The following RAPGEF2 variants were observed in gnomAD, a reference collection of about 807,000 sequenced individuals.
The protein encoded by RAPGEF2 is Rap guanine nucleotide exchange factor 2.
Under a neutral mutation model 186.7 loss-of-function variants are expected in RAPGEF2, and 54 were observed. The observed-to-expected ratio is 0.29, with a 90% CI of 0.23 to 0.36. The LOEUF is 0.36. Ranked by LOEUF, RAPGEF2 falls within the 10% of genes least tolerant of loss-of-function variation. The probability of loss-of-function intolerance (pLI) is 1.00; values close to 1 mark genes in which losing one functional copy is unlikely to be tolerated. For missense variants in RAPGEF2, 1,532 were observed against 2,045.0 expected (o/e 0.75, Z 4.84); for synonymous variants, 712 against 705.9 (o/e 1.01, Z -0.14).
At chr4:159,332,135 C>A (rs1051916480) in intron 16 of RAPGEF2, 101 bp downstream of exon 16, 8 of 789,484 alleles carry the variant, frequency 1.0e-5, no homozygotes, top group Non-Finnish European at 1.6e-5. Flanking sequence ...TAGATTAGAT[C>A]TAAATAAAAA....
intron 1 of RAPGEF2, among the ~76,000 whole-genome samples, chr4:159,168,006 A>G (rs750411435): frequency 5.9e-5 from 9 of 152,246 alleles, no homozygotes; most frequent in African/African-American, 1.9e-4. Flanking sequence ...GGTGAGGCTC[A>G]TATGTGTAAA....
intron 7 of RAPGEF2, among the ~76,000 whole-genome samples, chr4:159,260,782 C>G (rs1416233288): frequency 6.6e-6 from 1 of 152,116 alleles, no homozygotes; most frequent in African/African-American, 2.4e-5. Context: ...GAGTTTCACT[C>G]TTGTTGCCCA....
intron 1 of RAPGEF2, among the ~76,000 whole-genome samples, chr4:159,110,541 G>T (rs1738385213): frequency 6.6e-6 from 1 of 152,134 alleles, no homozygotes; most frequent in Non-Finnish European, 1.5e-5. Context: ...TTGTGCCATT[G>T]CACTCCAGCC....
At chr4:159,181,327 C>G (rs1467555463) in intron 1 of RAPGEF2, among the ~76,000 whole-genome samples, 1 of 152,172 alleles carries the variant, frequency 6.6e-6, no homozygotes, top group African/African-American at 2.4e-5. Flanking sequence ...CCATCCTTTC[C>G]TGACATAGCT....
intron 7 of RAPGEF2, among the ~76,000 whole-genome samples, chr4:159,261,409 A>G (rs1476925716): frequency 1.3e-5 from 2 of 152,234 alleles, no homozygotes; most frequent in African/African-American, 4.8e-5. Flanking sequence ...AAATCCTAAC[A>G]GTTATTATTT....
chr4:159,316,908 G>A (rs1764673594), intron 9 of RAPGEF2, among the ~76,000 whole-genome samples: 1 of 152,152 alleles, frequency 6.6e-6, no homozygotes, highest in Non-Finnish European at 1.5e-5. Flanking sequence ...TTCGAACACT[G>A]GAAATGAGAG....
chr4:159,305,816 C>G (rs1763211812), intron 8 of RAPGEF2, among the ~76,000 whole-genome samples: 1 of 152,028 alleles, frequency 6.6e-6, no homozygotes, highest in Non-Finnish European at 1.5e-5. Context: ...CTTAAGTCTT[C>G]AATCTGTTTT....
chr4:159,134,474 C>T (rs915015767), intron 1 of RAPGEF2, among the ~76,000 whole-genome samples: 3 of 152,162 alleles, frequency 2.0e-5, no homozygotes, highest in South Asian at 2.1e-4. Flanking sequence ...CACATGTTTT[C>T]CCCTTCTTGA....
intron 1 of RAPGEF2, among the ~76,000 whole-genome samples, chr4:159,140,449 T>C (rs988323401): frequency 6.6e-6 from 1 of 152,228 alleles, no homozygotes; most frequent in Non-Finnish European, 1.5e-5. Flanking sequence ...TCCAATGATA[T>C]TACTGTTTCT....
chr4:159,252,094 C>T (rs1270106352), intron 7 of RAPGEF2, among the ~76,000 whole-genome samples: 44 of 152,120 alleles, frequency 2.9e-4, no homozygotes, highest in Admixed American at 2.7e-3. Flanking sequence ...TCTGTGGTTT[C>T]ATTCTTGAAG....
intron 7 of RAPGEF2, among the ~76,000 whole-genome samples, chr4:159,299,871 G>T (rs967770947): frequency 5.3e-5 from 8 of 151,260 alleles, no homozygotes; most frequent in African/African-American, 1.9e-4. Flanking sequence ...GCATCTGTTT[G>T]TCCTACATAA....
intron 19 of RAPGEF2, 62 bp downstream of exon 19, chr4:159,339,416 A>G (rs1767912442): frequency 2.6e-6 from 4 of 1,534,156 alleles, no homozygotes. Context: ...TCAAAGTCTA[A>G]GAGATGAGCA....
intron 9 of RAPGEF2, among the ~76,000 whole-genome samples, chr4:159,319,677 C>G (rs967326486): frequency 1.3e-5 from 2 of 152,038 alleles, no homozygotes; most frequent in Non-Finnish European, 2.9e-5. Flanking sequence ...GGTTTTTCAG[C>G]TGAGCCTGGA....
intron 7 of RAPGEF2, among the ~76,000 whole-genome samples, chr4:159,277,460 C>G (rs894927893): frequency 3.3e-5 from 5 of 152,176 alleles, no homozygotes; most frequent in African/African-American, 1.2e-4. Context: ...ATTGCTGGCT[C>G]AAATGGTATT....
intron 17 of RAPGEF2, among the ~76,000 whole-genome samples, chr4:159,333,453 G>C (rs1006764766): frequency 2.0e-5 from 3 of 152,000 alleles, no homozygotes; most frequent in African/African-American, 7.3e-5. Flanking sequence ...ATCATTCTCT[G>C]TTTTCCCCTC....
At chr4:159,108,411 A>C (rs1349834795) in intron 1 of RAPGEF2, among the ~76,000 whole-genome samples, 4 of 138,070 alleles carry the variant, frequency 2.9e-5, no homozygotes, top group Non-Finnish European at 6.2e-5. Context: ...TTTTTTAAGG[A>C]GAAGATGACC....
chr4:159,292,022 A>G (rs1193491361), intron 7 of RAPGEF2, among the ~76,000 whole-genome samples: 2 of 152,096 alleles, frequency 1.3e-5, no homozygotes, highest in Non-Finnish European at 2.9e-5. Flanking sequence ...TTTATTTTGT[A>G]TATGTGTGTA....
At chr4:159,233,224 C>A (rs1445468352) in intron 4 of RAPGEF2, among the ~76,000 whole-genome samples, 1 of 152,164 alleles carries the variant, frequency 6.6e-6, no homozygotes, top group East Asian at 1.9e-4. Context: ...AGCTAAAAAT[C>A]TATTGCCAAC....
intron 1 of RAPGEF2, among the ~76,000 whole-genome samples, chr4:159,106,670 A>C (rs530898281): frequency 3.7e-4 from 56 of 152,380 alleles, no homozygotes; most frequent in Non-Finnish European, 6.2e-4. Context: ...CGTTATAGGC[A>C]AAAGGAAAAG....
Sources: allele counts gnomAD v4.1 joint callset (sites outside exome capture counted in the v4.1 genomes callset), GRCh38; gene constraint gnomAD v4.1.1; transcripts MANE v1.5; gene names NCBI Gene and HGNC (gene_info 2026-07-23, HGNC 2026-07-21).